Variants in TSHR observed in about 807,000 individuals in gnomAD.
TSHR encodes the protein thyrotropin receptor.
A neutral mutation model predicts 64.1 loss-of-function variants in TSHR; 51 were observed. The ratio of observed to expected loss-of-function variants is 0.80; its 90% CI spans 0.64 to 1.01. The LOEUF is 1.01. TSHR is among the 50% of genes least tolerant of loss of function. The pLI is 0.00. For missense variants in TSHR, 877 were observed against 942.8 expected (o/e 0.93, Z 0.91); for synonymous variants, 361 against 361.9 (o/e 1.00, Z 0.03).
chr14:81,120,849 C>T (rs113140132), intron 8 of TSHR, among the ~76,000 whole-genome samples: 285 of 152,230 alleles, frequency 1.9e-3, no homozygotes, highest in African/African-American at 6.3e-3. Flanking sequence ...CAATGTTTTA[C>T]ATGTGCAAAA....
At chr14:81,126,003 C>CT (rs1891007308) in intron 8 of TSHR, among the ~76,000 whole-genome samples, 1 of 152,044 alleles carries the variant, frequency 6.6e-6, no homozygotes, top group Admixed American at 6.6e-5. Context: ...AGGGAATGGT[C>CT]TGCTTCAGCC....
At chr14:80,973,335 G>T (rs1235652517) in intron 1 of TSHR, among the ~76,000 whole-genome samples, 2 of 146,162 alleles carry the variant, frequency 1.4e-5, no homozygotes, top group Non-Finnish European at 3.0e-5. Context: ...AACCCCGGGG[G>T]GCGGAGCCTG....
At chr14:81,112,423 T>G (rs1890264031) in intron 8 of TSHR, among the ~76,000 whole-genome samples, 1 of 152,132 alleles carries the variant, frequency 6.6e-6, no homozygotes, top group Non-Finnish European at 1.5e-5. Flanking sequence ...TCCTGGCTCT[T>G]TTTCCTCTAT....
chr14:81,077,775 T>C (rs1465587201), intron 3 of TSHR, among the ~76,000 whole-genome samples: 1 of 152,144 alleles, frequency 6.6e-6, no homozygotes, highest in East Asian at 1.9e-4. Flanking sequence ...TCTCCTTGTC[T>C]TCTTTTGGAT....
rs768973403 is a variant in TSHR, at chr14:81,102,905, A to T, written c.615-5470A>T. ...AAATATTTGGCGTTAGAAAGTACAG[A>T]TCCAATCATAATAGAAAACAAATTT... On this transcript the variant is annotated intron_variant, in intron 7 of 9. Coordinates refer to ENST00000298171, the MANE Select transcript of TSHR (RefSeq NM_000369.5). 5.1e-6 allele frequency: 5 copies of T among 985,262 alleles called. No individual in the cohort carries two copies. The African/African-American group carries it at 8.7e-5, about 17-fold the overall frequency. 61.0% of individuals were successfully genotyped at this position (985,262 alleles called of 1,614,324 possible). A position where few individuals can be genotyped will look rare whatever the true frequency, so the allele number is the denominator to read the frequency against.
At chr14:81,113,674 G>C (rs975706026) in intron 8 of TSHR, among the ~76,000 whole-genome samples, 4 of 151,640 alleles carry the variant, frequency 2.6e-5, no homozygotes, top group African/African-American at 9.7e-5. Context: ...AGGTGATCAT[G>C]TGAGTAAATG....
At chr14:81,080,482 G>A (rs1403756309) in intron 3 of TSHR, among the ~76,000 whole-genome samples, 1 of 152,104 alleles carries the variant, frequency 6.6e-6, no homozygotes, top group Non-Finnish European at 1.5e-5. Flanking sequence ...CTTCTATAAT[G>A]TTCTATTTTT....
At chr14:81,123,140 AAT>A (rs200926013) in intron 8 of TSHR, among the ~76,000 whole-genome samples, 38 of 149,178 alleles carry the variant, frequency 2.5e-4, no homozygotes, top group Non-Finnish European at 4.3e-4. Context: ...AAAAAAAAAA[AAT>A]TAACACTTAA....
intron 8 of TSHR, among the ~76,000 whole-genome samples, chr14:81,133,636 C>T (rs779670476): frequency 5.9e-5 from 9 of 152,212 alleles, no homozygotes; most frequent in Non-Finnish European, 1.3e-4. Context: ...GGTCTACCAA[C>T]ATAATGGCCA....
chr14:81,116,850 A>G (rs1890536870), intron 8 of TSHR, among the ~76,000 whole-genome samples: 1 of 150,094 alleles, frequency 6.7e-6, no homozygotes, highest in Admixed American at 6.6e-5. Context: ...CCACAGTGCA[A>G]TCAAACTAGA....
chr14:80,987,231 TTAAA>T (rs1439409514), intron 1 of TSHR, among the ~76,000 whole-genome samples: 1 of 152,220 alleles, frequency 6.6e-6, no homozygotes, highest in African/African-American at 2.4e-5. Flanking sequence ...ATAAGCTCTT[TTAAA>T]AGCCAGCCAA....
At chr14:80,966,869 G>C (rs889879041) in intron 1 of TSHR, among the ~76,000 whole-genome samples, 4 of 152,114 alleles carry the variant, frequency 2.6e-5, no homozygotes, top group Admixed American at 6.5e-5. Context: ...GTTTGCACTT[G>C]ACCACCTTCT....
At chr14:81,045,710 A>T (rs1358041924) in intron 1 of TSHR, among the ~76,000 whole-genome samples, 1 of 152,166 alleles carries the variant, frequency 6.6e-6, no homozygotes, top group Non-Finnish European at 1.5e-5. Context: ...GAAGCTAGAA[A>T]CCCACAGGGT....
At chr14:81,059,753 TA>T (rs766525758) in intron 1 of TSHR, among the ~76,000 whole-genome samples, 4 of 151,954 alleles carry the variant, frequency 2.6e-5, no homozygotes, top group East Asian at 3.9e-4. Context: ...CTTTCTTTGG[TA>T]AAAAAAATCT....
chr14:81,096,923 G>GGTGTGTGTGTGTGTGTGT lies in TSHR; in HGVS notation c.614+229_614+246dup, dbSNP rs147149121. ...GGTAAGTTCCAAAGCTTTTCTCCCT[G>GGTGTGTGTGTGTGTGTGT]GTGTGTGTGTGTGTGTGTGTGTGTG... On this transcript the variant is annotated intron_variant, in intron 7 of 9. Transcript: ENST00000298171. 3.6e-3 allele frequency among the ~76,000 whole-genome samples: 533 copies of GGTGTGTGTGTGTGTGTGT among 148,500 alleles called. 5 individuals are homozygous for GGTGTGTGTGTGTGTGTGT. The highest frequency in any genetic ancestry group is 0.013 in the African/African-American group (507 of 40,224).
chr14:81,091,418 A>C (rs1438098511), intron 5 of TSHR, among the ~76,000 whole-genome samples: 10 of 152,196 alleles, frequency 6.6e-5, no homozygotes, highest in Admixed American at 6.5e-4. Flanking sequence ...AGAATTAGAA[A>C]GAGTTACCAT....
intron 1 of TSHR, chr14:80,982,814 C>A: frequency 1.9e-6 from 1 of 531,260 alleles, no homozygotes; most frequent in Non-Finnish European, 3.4e-6. Context: ...TGCTCACAGC[C>A]CATCCCTGAG....
intron 5 of TSHR, among the ~76,000 whole-genome samples, chr14:81,091,870 A>C (rs2085743773): frequency 6.6e-6 from 1 of 152,246 alleles, no homozygotes; most frequent in Non-Finnish European, 1.5e-5. Context: ...GACATGGGTC[A>C]GTTGTCTTAC....
At chr14:81,034,224 A>G (rs889009706) in intron 1 of TSHR, among the ~76,000 whole-genome samples, 2 of 152,208 alleles carry the variant, frequency 1.3e-5, no homozygotes, top group East Asian at 1.9e-4. Flanking sequence ...TTCAGAAACA[A>G]TTTCAGAGTT....
Sources: allele counts gnomAD v4.1 joint callset (sites outside exome capture counted in the v4.1 genomes callset), GRCh38; gene constraint gnomAD v4.1.1; transcripts MANE v1.5; gene names NCBI Gene and HGNC (gene_info 2026-07-23, HGNC 2026-07-21).